GABRD: variants seen among roughly 807,000 people sequenced by gnomAD.
GABRD encodes gamma-aminobutyric acid type A receptor subunit delta.
Under a neutral mutation model 47.3 loss-of-function variants are expected in GABRD, and 25 were observed. The observed-to-expected ratio is 0.53, with a 90% confidence interval of 0.39 to 0.74. The LOEUF (loss-of-function observed/expected upper bound fraction) is 0.74, where lower values mean the gene tolerates loss of function less well. GABRD is among the 30% of genes least tolerant of loss of function. The probability of loss-of-function intolerance (pLI) is 0.00; values close to 1 mark genes in which losing one functional copy is unlikely to be tolerated. For missense variants in GABRD, 497 were observed against 643.4 expected (o/e 0.77, Z 2.46); for synonymous variants, 314 against 278.8 (o/e 1.13, Z -1.26).
intron 4 of GABRD, 35 bp downstream of exon 4, chr1:2,025,773 G>A (rs746153181): frequency 3.8e-6 from 6 of 1,579,960 alleles, no homozygotes; most frequent in South Asian, 3.3e-5. Flanking sequence ...CCGGGGGAGA[G>A]CCTGCCCGGG....
chr1:2,020,249 C>T (rs913930640), intron 1 of GABRD, among the ~76,000 whole-genome samples: 2 of 152,236 alleles, frequency 1.3e-5, no homozygotes, highest in Non-Finnish European at 2.9e-5. Context: ...CCTCAGCCAC[C>T]CAGGCAACTT....
chr1:2,030,702 T>C lies in GABRD; in HGVS notation c.*420T>C, dbSNP rs936758242. 2 of 162,348 alleles carry C rather than the reference T, an allele frequency of 1.2e-5. No homozygotes were observed. Among genetic ancestry groups the C allele is most frequent in the African/African-American group, 4.8e-5 (2 of 41,854 alleles). 10.1% of individuals were successfully genotyped at this position (162,348 alleles called of 1,614,324 possible). The stretch of plus-strand genomic sequence containing the variant: ...GAACAGTGAAGGCGTTTGTGAGGTC[T>C]TTCTGGTCCCAGCATGAAATAAAGC... On this transcript the variant is annotated 3_prime_UTR_variant, in exon 9 of 9. Transcript: ENST00000378585.
intron 7 of GABRD, 117 bp from the exon 8 acceptor site, chr1:2,029,434 G>C (rs1014663642): frequency 4.7e-5 from 69 of 1,460,260 alleles, no homozygotes; most frequent in Non-Finnish European, 5.8e-5. Context: ...CCTGCTCCCT[G>C]GGGTGGGCAT....
intron 2 of GABRD, 108 bp downstream of exon 2, chr1:2,025,162 C>A: frequency 7.9e-7 from 1 of 1,271,596 alleles, no homozygotes; most frequent in Non-Finnish European, 1.1e-6. Flanking sequence ...GGAAGCCTGG[C>A]TCTCCCCTGG....
In GABRD at chr1:2,030,263, G is replaced by T; in HGVS notation, c.1340G>T (p.Trp447Leu). ...AAFAAVNVIY[W>L]AAYAM ...TTTGCGGCCGTCAATGTCATCTACT[G>T]GGCGGCATACGCCATGTGAGCACAG... The change falls in exon 9 of 9, where the codon TGG becomes TTG. Residue 447 changes from tryptophan (W) to leucine (L), a missense_variant. Coordinates refer to ENST00000378585, the MANE Select transcript of GABRD (RefSeq NM_000815.5). 6.4e-7 allele frequency: 1 copy of T among 1,553,306 alleles called. No individual in the cohort carries two copies. Among genetic ancestry groups the T allele is most frequent in the South Asian group, 1.2e-5 (1 of 83,810 alleles).
Position 2,030,014 on chromosome 1 carries a change from C to G in GABRD, c.1091C>G (p.Ser364Cys). 1 of 1,612,754 alleles carries G rather than the reference C, an allele frequency of 6.2e-7. No homozygotes were observed. Among genetic ancestry groups the G allele is most frequent in the Non-Finnish European group, 8.5e-7 (1 of 1,179,898 alleles). ...GTGAGGAACGCCATTGTCCTCTTCT[C>G]CCTCTCTGCTGCCGGCGTCACGCAG... ...MDVRNAIVLF[S>C]LSAAGVTQEL... Residue 364 changes from serine (S) to cysteine (C), a missense_variant, in exon 9 of 9, where the codon TCC (serine) becomes TGC (cysteine). By Grantham distance (112) the Ser-to-Cys change is moderately radical (BLOSUM62 -1). Transcript: ENST00000378585.
intron 1 of GABRD, among the ~76,000 whole-genome samples, chr1:2,021,793 C>A (rs577342699): frequency 3.9e-4 from 60 of 152,322 alleles, no homozygotes; most frequent in Non-Finnish European, 6.0e-4. Context: ...GAGGCTTGAG[C>A]TGCTCTAAAA....
At chr1:2,024,883 A>C (rs1183709523) in intron 1 of GABRD, 59 bp from the exon 2 acceptor site, 9 of 1,282,266 alleles carry the variant, frequency 7.0e-6, no homozygotes, top group Admixed American at 3.4e-5. Flanking sequence ...GAAGGGACCC[A>C]GGCTCAGTGG....
Position 2,029,551 on chromosome 1 carries a change from G to A in GABRD, c.848G>A (p.Gly283Asp). ...QAAVPARVSL[G>D]ITTVLTMTTL... is the part of the protein sequence containing the mutation. ...CAATGGCACCACCTGTGCCCGGCAG[G>A]CATCACCACGGTGCTGACGATGACC... Residue 283 changes from glycine (G) to aspartate (D), a missense_variant and splice_region_variant, in exon 8 of 9, where the codon GGC becomes GAC. By Grantham distance (94) the Gly-to-Asp change is moderately conservative. This residue lies in a region of GABRD where 285 missense variants were observed against 436.6 expected (regional missense o/e 0.65). Transcript: ENST00000378585. 6.2e-7 allele frequency: 1 copy of A among 1,612,450 alleles called. No individual in the cohort carries two copies. Among genetic ancestry groups the A allele is most frequent in the Non-Finnish European group, 8.5e-7 (1 of 1,179,960 alleles).
rs1557448696 is a variant in GABRD at position 2,029,754 on chromosome 1, AG to A, written c.1054del (p.Ala352GlnfsTer5). The A allele has an allele frequency of 6.2e-7, 1 of 1,612,540 alleles. No homozygotes were observed. The highest frequency in any genetic ancestry group is 8.5e-7 in the Non-Finnish European group (1 of 1,179,566). On this transcript the variant is annotated frameshift_variant, in exon 8 of 9. Transcript: ENST00000378585. LOFTEE classifies it high-confidence loss of function. ...QKAKVKVSRP[R>X]AEMDVRNAIV... ...GGCCAAGGTCAAGGTCTCCAGGCCGAGGGCAGAGGTGAGGGCCTGGGGCCGA... is the reference window on the plus strand; with the variant it reads ...GGCCAAGGTCAAGGTCTCCAGGCCGAGGCAGAGGTGAGGGCCTGGGGCCGA...
chr1:2,020,663 G>A (rs975133656), intron 1 of GABRD, among the ~76,000 whole-genome samples: 2 of 152,220 alleles, frequency 1.3e-5, no homozygotes, highest in African/African-American at 2.4e-5. Flanking sequence ...CCTTCAAGGT[G>A]AGAGGAAGGA....
intron 1 of GABRD, among the ~76,000 whole-genome samples, chr1:2,020,001 G>A (rs914003495): frequency 3.9e-5 from 6 of 152,210 alleles, no homozygotes; most frequent in South Asian, 4.1e-4. Flanking sequence ...GGGTGGGCCC[G>A]GCCTCCGGGG....
In GABRD at chr1:2,028,170, A is replaced by C. The variant is rs1443430853; in HGVS notation, c.569A>C (p.Glu190Ala). Residue 190 changes from glutamate to alanine, a missense_variant, in exon 6 of 9, where the codon GAG (glutamate) becomes GCG (alanine). Physicochemically the swap from Glu to Ala is moderately radical, Grantham distance 107. Around this residue, in one of 3 missense-constraint regions of GABRD, gnomAD observed 285 missense variants for 436.6 expected, o/e 0.65. Transcript: ENST00000378585. This position sits in a 1 kb window ranked among gnomAD's most constrained non-coding sequence, Gnocchi z 6.4. The part of the protein sequence containing the change: ...LDLESYGYSS[E>A]DIVYYWSESQ... Reference sequence around the variant, plus strand: ...TTTCCTCCAGACGGTTACTCATCGGAGGACATCGTCTACTACTGGTCGGAG... The same window carrying C: ...TTTCCTCCAGACGGTTACTCATCGGCGGACATCGTCTACTACTGGTCGGAG... 1 of 1,611,504 alleles carries C rather than the reference A, an allele frequency of 6.2e-7. No homozygotes were observed. The highest frequency in any genetic ancestry group is 1.7e-5 in the Admixed American group (1 of 59,962).
rs1658993815 is a variant in GABRD at position 2,028,433 on chromosome 1, C to T, written c.691+141C>T. ...TGCTTTTTAGTCAAGCGCCCGCAGGCCCCCAGGGCCTCTGGGGATGCAGCT... is the reference window on the plus strand; with the variant it reads ...TGCTTTTTAGTCAAGCGCCCGCAGGTCCCCAGGGCCTCTGGGGATGCAGCT... On this transcript the variant is annotated intron_variant, in intron 6 of 8. Coordinates refer to ENST00000378585, the MANE Select transcript of GABRD (RefSeq NM_000815.5). This position sits in a 1 kb window ranked among gnomAD's most constrained non-coding sequence, Gnocchi z 6.4. 4 of 932,494 alleles carry T rather than the reference C, an allele frequency of 4.3e-6. No homozygotes were observed. Among genetic ancestry groups the T allele is most frequent in the Non-Finnish European group, 5.8e-6 (4 of 694,354 alleles). The allele number at this position is 932,494 out of a possible 1,614,324, so 57.8% of individuals were successfully genotyped here. A position where few individuals can be genotyped will look rare whatever the true frequency, so the allele number is the denominator to read the frequency against.
chr1:2,025,289 G>C, intron 2 of GABRD, 45 bp from the exon 3 acceptor site: 1 of 1,609,050 alleles, frequency 6.2e-7, no homozygotes, highest in Non-Finnish European at 8.5e-7. Flanking sequence ...TGGCTCCCAT[G>C]CTGGGCCGGC....
At chr1:2,029,069 G>C (rs1434293545) in intron 6 of GABRD, 42 bp from the exon 7 acceptor site, 1 of 1,536,130 alleles carries the variant, frequency 6.5e-7, no homozygotes, top group Admixed American at 2.0e-5. Context: ...GTTGGGCTGG[G>C]CTGGGCAGGG....
At chr1:2,029,395 C>T in intron 7 of GABRD, 129 bp downstream of exon 7, 1 of 1,411,530 alleles carries the variant, frequency 7.1e-7, no homozygotes, top group Non-Finnish European at 9.5e-7. Flanking sequence ...CAGTGGCCAG[C>T]CGGGCCAGGC....
chr1:2,028,038 G>A lies in GABRD; in HGVS notation c.554-117G>A, dbSNP rs1658976191. 6 of 1,195,044 alleles carry A rather than the reference G, an allele frequency of 5.0e-6. No individual in the cohort carries two copies. Among genetic ancestry groups the A allele is most frequent in the South Asian group, 1.5e-5 (1 of 66,516 alleles). 74.0% of individuals were successfully genotyped at this position (1,195,044 alleles called of 1,614,324 possible). ...CTCGCTCCTGGCTGGGGTCCTGCTC[G>A]GTCCCCATCACGATGGCGTCGGCCC... On this transcript the variant is annotated intron_variant, in intron 5 of 8. Coordinates refer to ENST00000378585, the MANE Select transcript of GABRD (RefSeq NM_000815.5). This position sits in a 1 kb window ranked among gnomAD's most constrained non-coding sequence, Gnocchi z 6.4.
intron 1 of GABRD, chr1:2,024,730 C>T (rs1658871797): frequency 4.2e-6 from 2 of 476,834 alleles, no homozygotes; most frequent in South Asian, 3.2e-5. Context: ...CAGGTCAGGG[C>T]CAGTGGAAGA....
Sources: allele counts gnomAD v4.1 joint callset (sites outside exome capture counted in the v4.1 genomes callset), GRCh38; gene constraint gnomAD v4.1.1; regional missense constraint gnomAD v4.1.1; non-coding constraint Gnocchi (gnomAD v3.1); transcripts MANE v1.5; gene names NCBI Gene and HGNC (gene_info 2026-07-23, HGNC 2026-07-21).